The following B3GALT1 variants were observed in gnomAD, a reference collection of about 807,000 sequenced individuals.
B3GALT1 encodes the protein beta-1,3-galactosyltransferase 1.
Under a neutral mutation model 23.2 loss-of-function variants are expected in B3GALT1, and 10 were observed. The ratio of observed to expected loss-of-function variants is 0.43; its 90% CI spans 0.27 to 0.73. The LOEUF (loss-of-function observed/expected upper bound fraction) is 0.73, where lower values mean the gene tolerates loss of function less well. Ranked by LOEUF, B3GALT1 falls within the 30% of genes least tolerant of loss-of-function variation. The pLI is 0.21. For missense variants in B3GALT1, 299 were observed against 405.4 expected, an observed-to-expected ratio of 0.74 and a Z score of 2.25; for synonymous variants, 156 against 141.5, an observed-to-expected ratio of 1.10 and a Z score of -0.73.
chr2:167,584,287 A>G (rs1291650110), intron 2 of B3GALT1, among the ~76,000 whole-genome samples: 1 of 152,222 alleles, frequency 6.6e-6, no homozygotes, highest in Non-Finnish European at 1.5e-5. Context: ...TCCAGGTAAA[A>G]GGAAACACAG....
intron 1 of B3GALT1, among the ~76,000 whole-genome samples, chr2:167,434,652 A>G (rs906681625): frequency 2.0e-5 from 3 of 151,816 alleles, no homozygotes; most frequent in Admixed American, 2.0e-4. Context: ...AGCATTCCAA[A>G]TGTATTCACA....
chr2:167,641,933 C>CT (rs1027505117), intron 2 of B3GALT1, among the ~76,000 whole-genome samples: 4 of 152,214 alleles, frequency 2.6e-5, no homozygotes, highest in African/African-American at 9.6e-5. Context: ...CTCAACATAT[C>CT]TATCAGGCAT....
chr2:167,450,047 A>G (rs1354827012), intron 1 of B3GALT1, among the ~76,000 whole-genome samples: 1 of 152,052 alleles, frequency 6.6e-6, no homozygotes, highest in East Asian at 1.9e-4. Context: ...GTTGGTGTGT[A>G]GTTTTCTTTT....
At chr2:167,307,337 G>C (rs1009238035) in intron 1 of B3GALT1, among the ~76,000 whole-genome samples, 1 of 151,854 alleles carries the variant, frequency 6.6e-6, no homozygotes, top group Middle Eastern at 3.2e-3. Context: ...TATTCTCTTT[G>C]CTCAGTTGAT....
intron 3 of B3GALT1, among the ~76,000 whole-genome samples, chr2:167,730,693 A>G (rs1558961797): frequency 6.6e-6 from 1 of 152,140 alleles, no homozygotes; most frequent in African/African-American, 2.4e-5. Flanking sequence ...GCAGTTACCA[A>G]TGGCAAATAT....
At chr2:167,561,729 A>G (rs1173127681) in intron 2 of B3GALT1, among the ~76,000 whole-genome samples, 3 of 152,248 alleles carry the variant, frequency 2.0e-5, no homozygotes, top group African/African-American at 4.8e-5. Context: ...ATTCCTTGAC[A>G]CATACACTCT....
At chr2:167,361,027 G>A (rs2617393) in intron 1 of B3GALT1, among the ~76,000 whole-genome samples, 128,649 of 152,116 alleles carry the variant, frequency 0.85, 55,110 homozygotes, top group East Asian at 0.95. Flanking sequence ...TGCTGAAAAA[G>A]ATCACAGGAT....
At chr2:167,605,072 T>G (rs1045727167) in intron 2 of B3GALT1, among the ~76,000 whole-genome samples, 5 of 152,196 alleles carry the variant, frequency 3.3e-5, no homozygotes, top group Non-Finnish European at 7.3e-5. Context: ...GTTTTCCTTC[T>G]TTTTGGCAAA....
intron 3 of B3GALT1, among the ~76,000 whole-genome samples, chr2:167,706,867 C>T (rs996904415): frequency 3.3e-5 from 5 of 152,228 alleles, no homozygotes; most frequent in Admixed American, 6.5e-5. Flanking sequence ...AATCTCTGTC[C>T]AATCCTCTTG....
intron 4 of B3GALT1, among the ~76,000 whole-genome samples, chr2:167,863,056 G>A (rs151037236): frequency 1.3e-3 from 192 of 152,220 alleles, no homozygotes; most frequent in African/African-American, 4.3e-3. Context: ...AGTGTTACAC[G>A]TGCAACTTTC....
chr2:167,624,805 C>A (rs1685313050), intron 2 of B3GALT1, among the ~76,000 whole-genome samples: 1 of 151,972 alleles, frequency 6.6e-6, no homozygotes, highest in African/African-American at 2.4e-5. Context: ...CTATTTGCAT[C>A]AAACCATATG....
intron 3 of B3GALT1, among the ~76,000 whole-genome samples, chr2:167,746,112 AAGGAG>A (rs1290664793): frequency 6.6e-6 from 1 of 152,166 alleles, no homozygotes; most frequent in Non-Finnish European, 1.5e-5. Context: ...TTCAAAGGTA[AAGGAG>A]ACAAATTAAT....
At chr2:167,492,095 G>A (rs1441348283) in intron 2 of B3GALT1, among the ~76,000 whole-genome samples, 1 of 152,084 alleles carries the variant, frequency 6.6e-6, no homozygotes, top group Non-Finnish European at 1.5e-5. Context: ...ACACAGAATA[G>A]CTTCGCTGCT....
At chr2:167,496,615 A>G (rs1461636792) in intron 2 of B3GALT1, among the ~76,000 whole-genome samples, 1 of 152,210 alleles carries the variant, frequency 6.6e-6, no homozygotes, top group Non-Finnish European at 1.5e-5. Flanking sequence ...AGTGAACAAA[A>G]TAAAGCATAT....
intron 1 of B3GALT1, among the ~76,000 whole-genome samples, chr2:167,383,248 C>T (rs1559080986): frequency 1.3e-5 from 2 of 150,980 alleles, no homozygotes; most frequent in Non-Finnish European, 2.9e-5. Flanking sequence ...AGGTTTGCCA[C>T]CAGAGAACAG....
intron 3 of B3GALT1, among the ~76,000 whole-genome samples, chr2:167,810,256 G>A (rs556956467): frequency 2.0e-5 from 3 of 150,944 alleles, no homozygotes; most frequent in South Asian, 2.1e-4. Context: ...GCCCTGCTTC[G>A]GCTCACACTC....
intron 1 of B3GALT1, among the ~76,000 whole-genome samples, chr2:167,403,387 G>A (rs1467771560): frequency 6.6e-6 from 1 of 151,932 alleles, no homozygotes; most frequent in Non-Finnish European, 1.5e-5. Flanking sequence ...ATCCCATGGT[G>A]TGTATGTGCC....
intron 2 of B3GALT1, among the ~76,000 whole-genome samples, chr2:167,642,646 T>C (rs866623679): frequency 6.6e-6 from 1 of 152,226 alleles, no homozygotes; most frequent in Middle Eastern, 3.4e-3. Flanking sequence ...GCACTTCATC[T>C]CTCTATACTC....
At chr2:167,739,612 C>G (rs138997432) in intron 3 of B3GALT1, among the ~76,000 whole-genome samples, 7 of 152,022 alleles carry the variant, frequency 4.6e-5, no homozygotes, top group African/African-American at 1.7e-4. Context: ...TTTATTTTCT[C>G]CATAGTGCTT....
Sources: allele counts gnomAD v4.1 joint callset (sites outside exome capture counted in the v4.1 genomes callset), GRCh38; gene constraint gnomAD v4.1.1; transcripts MANE v1.5; gene names NCBI Gene and HGNC (gene_info 2026-07-23, HGNC 2026-07-21).